SLC39A11: variants seen among roughly 807,000 people sequenced by gnomAD.
SLC39A11 encodes zinc transporter ZIP11.
In SLC39A11, 33 loss-of-function variants were observed where a neutral mutation model predicts 36.1. The observed-to-expected ratio is 0.91, with a 90% confidence interval of 0.69 to 1.22. The LOEUF (loss-of-function observed/expected upper bound fraction) is 1.22, where lower values mean the gene tolerates loss of function less well. Among genes scored for constraint, SLC39A11 ranks in the 50% most tolerant of loss-of-function variants. SLC39A11 has a pLI of 0.00. For missense variants in SLC39A11, 432 were observed against 430.3 expected, an observed-to-expected ratio of 1.00 and a Z score of -0.03; for synonymous variants, 166 against 170.3, an observed-to-expected ratio of 0.97 and a Z score of 0.20.
chr17:72,758,423 T>C (rs1418996689), intron 6 of SLC39A11, among the ~76,000 whole-genome samples: 1 of 152,200 alleles, frequency 6.6e-6, no homozygotes, highest in Non-Finnish European at 1.5e-5. Context: ...AGAATTCTCA[T>C]TTTGTTCGGT....
intron 5 of SLC39A11, among the ~76,000 whole-genome samples, chr17:72,889,883 C>T (rs144335520): frequency 4.6e-5 from 7 of 152,034 alleles, no homozygotes; most frequent in South Asian, 2.1e-4. Context: ...GCTTGAGTAT[C>T]GTGTAAGGAG....
intron 4 of SLC39A11, among the ~76,000 whole-genome samples, chr17:72,971,061 T>C (rs781704550): frequency 6.6e-6 from 1 of 152,200 alleles, no homozygotes; most frequent in Non-Finnish European, 1.5e-5. Context: ...CTGTCCTGCC[T>C]CTGAATCACC....
At chr17:72,685,650 T>G (rs1304819029) in intron 7 of SLC39A11, among the ~76,000 whole-genome samples, 1 of 152,214 alleles carries the variant, frequency 6.6e-6, no homozygotes, top group African/African-American at 2.4e-5. Flanking sequence ...AACACACAGA[T>G]GCAACATGGT....
intron 3 of SLC39A11, among the ~76,000 whole-genome samples, chr17:73,078,496 T>TG (rs2060404809): frequency 1.1e-5 from 1 of 89,874 alleles, no homozygotes; most frequent in East Asian, 2.0e-4. Context: ...TTTTTTGTTG[T>TG]TTTTTTTTTT....
At chr17:72,750,168 C>A (rs959087226) in intron 6 of SLC39A11, among the ~76,000 whole-genome samples, 4 of 152,256 alleles carry the variant, frequency 2.6e-5, no homozygotes, top group Non-Finnish European at 5.9e-5. Flanking sequence ...GGGAATTATC[C>A]CACAAGAGGG....
At chr17:73,065,679 C>T (rs1452803472) in intron 3 of SLC39A11, among the ~76,000 whole-genome samples, 1 of 152,196 alleles carries the variant, frequency 6.6e-6, no homozygotes, top group African/African-American at 2.4e-5. Context: ...GAGTTTAGCT[C>T]AAATCCTTTC....
chr17:72,735,368 G>A (rs972650446), intron 7 of SLC39A11, among the ~76,000 whole-genome samples: 3 of 152,156 alleles, frequency 2.0e-5, no homozygotes, highest in Admixed American at 6.5e-5. Context: ...CCCCACGCAG[G>A]CTTGGTAACC....
rs185359403 is a variant in SLC39A11, at chr17:72,840,986, C to T, written c.601+8648G>A. Among the ~76,000 whole-genome samples the T allele has an allele frequency of 1.1e-4, 17 of 152,118 alleles. No individual in the cohort carries two copies. The East Asian group carries it at 3.1e-3, about 28-fold the overall frequency. ...AGGAGAATGGTGTGAACCTGGGAGA[C>T]GGAGCTTGCAGTGAGCTGAGATGGC... On this transcript the variant is annotated intron_variant, in intron 6 of 9. Coordinates refer to ENST00000255559, the MANE Select transcript of SLC39A11 (RefSeq NM_139177.4).
At chr17:73,085,055 C>T (rs1354122892) in intron 2 of SLC39A11, among the ~76,000 whole-genome samples, 2 of 152,190 alleles carry the variant, frequency 1.3e-5, no homozygotes, top group Non-Finnish European at 2.9e-5. Context: ...CAATCAGAAG[C>T]GTTCTTTCAA....
chr17:72,772,861 A>AAGACC (rs2075998086), intron 6 of SLC39A11, among the ~76,000 whole-genome samples: 1 of 152,212 alleles, frequency 6.6e-6, no homozygotes, highest in Non-Finnish European at 1.5e-5. Context: ...AGGTGGATGG[A>AAGACC]TCACCTGAGG....
In SLC39A11 at chr17:72,884,159, A is replaced by AAAAG. The variant is rs113091239; in HGVS notation, c.431-34359_431-34356dup. ...ACAGAGTAAGGCTCTGTCTCCAAAA[A>AAAAG]AAAGAAAGAAAGAAAGAAAGAAACC... is the stretch of plus-strand genomic sequence containing the variant. On this transcript the variant is annotated intron_variant, in intron 5 of 9. Coordinates refer to ENST00000255559, the MANE Select transcript of SLC39A11 (RefSeq NM_139177.4). 5.0e-3 allele frequency among the ~76,000 whole-genome samples: 760 copies of AAAAG among 152,062 alleles called. 4 individuals carry two copies. Among genetic ancestry groups the AAAAG allele is most frequent in the African/African-American group, 0.018 (727 of 41,366 alleles).
At chr17:73,088,561 A>C in intron 2 of SLC39A11, 96 bp downstream of exon 2, 1 of 901,746 alleles carries the variant, frequency 1.1e-6, no homozygotes, top group South Asian at 1.4e-5. Context: ...GGCCAGGGGC[A>C]CTGAAAAGTC....
Position 72,736,425 on chromosome 17 carries a change from A to G in SLC39A11, c.671+225T>C, listed in dbSNP as rs566481817. Among the ~76,000 whole-genome samples, 3 of 152,340 alleles carry G rather than the reference A, an allele frequency of 2.0e-5. No individual in the cohort carries two copies. The East Asian group carries it at 5.8e-4, about 29-fold the overall frequency. ...CGATTCTATCCATGCTTTGTTTCCA[A>G]AATGATCATCACCCACTTAATAGCT... is the stretch of plus-strand genomic sequence containing the variant. On this transcript the variant is annotated intron_variant, in intron 7 of 9. Transcript: ENST00000255559.
intron 4 of SLC39A11, among the ~76,000 whole-genome samples, chr17:72,969,892 T>C (rs1158384739): frequency 1.3e-5 from 2 of 152,196 alleles, no homozygotes; most frequent in Non-Finnish European, 2.9e-5. Flanking sequence ...TGCCCAAGCC[T>C]GGCAGGCCAG....
intron 4 of SLC39A11, among the ~76,000 whole-genome samples, chr17:72,952,213 A>G (rs1026550726): frequency 1.3e-5 from 2 of 152,234 alleles, no homozygotes; most frequent in Admixed American, 6.5e-5. Flanking sequence ...CAAAACCTCC[A>G]CATGCCTCTG....
chr17:73,060,210 C>CAA (rs33931672), intron 3 of SLC39A11, among the ~76,000 whole-genome samples: 7 of 70,320 alleles, frequency 1.0e-4, no homozygotes, highest in East Asian at 4.8e-4. Flanking sequence ...AACTCCATCT[C>CAA]AAAAAAAAAA....
chr17:72,722,694 G>A (rs151166114), intron 7 of SLC39A11, among the ~76,000 whole-genome samples: 2,290 of 151,944 alleles, frequency 0.015, 55 homozygotes, highest in African/African-American at 0.052. Context: ...GAGTACAATG[G>A]CACGATCTCA....
chr17:73,034,156 TAGCTGCCCTGC>T (rs1341361206), intron 3 of SLC39A11, among the ~76,000 whole-genome samples: 1 of 152,190 alleles, frequency 6.6e-6, no homozygotes, highest in East Asian at 1.9e-4. Flanking sequence ...CAGCCCTCAG[TAGCTGCCCTGC>T]ATGGTAAACT....
rs147791291 is a variant in SLC39A11, at chr17:73,003,891, G to T, written c.306+27665C>A. ...ACCCGAGGTCAGGAGTTTGAGACCA[G>T]CCTGGCCAACATGGTGAAACCCCGT... On this transcript the variant is annotated intron_variant, in intron 4 of 9. Transcript: ENST00000255559. 9.1e-3 allele frequency among the ~76,000 whole-genome samples: 1,388 copies of T among 152,140 alleles called. 19 individuals carry two copies. Among genetic ancestry groups the T allele is most frequent in the South Asian group, 0.016 (77 of 4,816 alleles).
Sources: gnomAD v4.1 joint callset for allele counts (sites outside exome capture counted in the v4.1 genomes callset) on GRCh38, gnomAD v4.1.1 for gene constraint, MANE v1.5 for transcripts, NCBI Gene and HGNC (gene_info 2026-07-23, HGNC 2026-07-21) for gene names.